The following PSD3 variants were observed in gnomAD, a reference collection of about 807,000 sequenced individuals.
PSD3 encodes the protein pleckstrin and Sec7 domain containing 3.
Under a neutral mutation model 105.5 loss-of-function variants are expected in PSD3, and 49 were observed. That is an observed-to-expected ratio of 0.46 (90% CI 0.37 to 0.59). The LOEUF (loss-of-function observed/expected upper bound fraction) is 0.59. Among genes scored for constraint, PSD3 ranks in the 20% least tolerant of loss-of-function variants. The pLI, the probability that PSD3 is intolerant of heterozygous loss-of-function variation, is 0.00. For missense variants in PSD3, 1,561 were observed against 1,263.8 expected (o/e 1.24, Z -3.57); for synonymous variants, 557 against 457.8 (o/e 1.22, Z -2.77).
At chr8:18,953,320 G>A (rs1158966872) in intron 1 of PSD3, among the ~76,000 whole-genome samples, 2 of 151,634 alleles carry the variant, frequency 1.3e-5, no homozygotes, top group Non-Finnish European at 3.0e-5. Context: ...TGTATGTTGT[G>A]TGTGTGTGTG....
intron 10 of PSD3, among the ~76,000 whole-genome samples, chr8:18,636,494 C>T (rs1268647374): frequency 6.6e-6 from 1 of 152,050 alleles, no homozygotes; most frequent in African/African-American, 2.4e-5. Flanking sequence ...AAAGAAATTT[C>T]CTGTAGCCTA....
At chr8:18,734,637 A>G (rs764693767) in intron 9 of PSD3, among the ~76,000 whole-genome samples, 39 of 152,320 alleles carry the variant, frequency 2.6e-4, no homozygotes, top group Non-Finnish European at 4.7e-4. Context: ...TATGGAACTT[A>G]GCAAGTCATG....
At position 19,080,169 on chromosome 8, in the gene PSD3, G is replaced by C. The variant is rs150167479; in HGVS notation, c.324+4037C>G. Among the ~76,000 whole-genome samples, 643 of 152,288 alleles carry C rather than the reference G, an allele frequency of 4.2e-3. 5 individuals are homozygous for C. Among genetic ancestry groups the C allele is most frequent in the African/African-American group, 0.014 (589 of 41,558 alleles). On this transcript the variant is annotated intron_variant, in intron 1 of 1. Coordinates refer to the PSD3 transcript ENST00000521475. ...CTCCCAAAGTGCTGGGATTACAGGC[G>C]TAAGCCACCGCGCCTGGCCAAAATA... is the stretch of plus-strand genomic sequence containing the variant.
intron 10 of PSD3, among the ~76,000 whole-genome samples, chr8:18,638,987 A>C (rs1563409290): frequency 6.6e-6 from 1 of 152,226 alleles, no homozygotes; most frequent in Non-Finnish European, 1.5e-5. Flanking sequence ...CATGGCATTG[A>C]CCACTGCCCT....
intron 9 of PSD3, among the ~76,000 whole-genome samples, chr8:18,685,486 G>A (rs755360215): frequency 2.0e-5 from 3 of 151,680 alleles, no homozygotes; most frequent in Admixed American, 6.6e-5. Flanking sequence ...TAAAGAAGAC[G>A]AAGACATTAA....
intron 14 of PSD3, among the ~76,000 whole-genome samples, chr8:18,567,906 T>A (rs1210665450): frequency 6.6e-6 from 1 of 152,226 alleles, no homozygotes; most frequent in Non-Finnish European, 1.5e-5. Context: ...GTGTTTGCGT[T>A]ATGGGGGTAG....
At chr8:18,616,290 T>C (rs764820132) in intron 11 of PSD3, among the ~76,000 whole-genome samples, 2 of 152,222 alleles carry the variant, frequency 1.3e-5, no homozygotes, top group Admixed American at 6.5e-5. Flanking sequence ...AAAACCAAAA[T>C]ACCCGACCCT....
Position 18,990,395 on chromosome 8 carries a change from G to A in PSD3, c.21+23168C>T, listed in dbSNP as rs547440601. ...GGCTCCGCCGCCTGGCCTTCTCTCA[G>A]TTCTTCATATGCGACGCTCTTTTCT... On this transcript the variant is annotated intron_variant, in intron 1 of 15. Transcript: ENST00000327040. Among the ~76,000 whole-genome samples, 3 of 152,150 alleles carry A rather than the reference G, an allele frequency of 2.0e-5. No homozygotes were observed. In the East Asian group the frequency reaches 5.8e-4, roughly 30 times the overall value.
chr8:18,752,492 A>AAT (rs1554489379), intron 9 of PSD3, among the ~76,000 whole-genome samples: 1 of 17,802 alleles, frequency 5.6e-5, no homozygotes, highest in Non-Finnish European at 1.5e-4. Flanking sequence ...TTATATATAT[A>AAT]ATATATATAA....
chr8:18,777,627 T>A (rs1168849002), intron 8 of PSD3, among the ~76,000 whole-genome samples: 1 of 152,234 alleles, frequency 6.6e-6, no homozygotes, highest in East Asian at 1.9e-4. Context: ...TCAGGATATT[T>A]TGGATACCCA....
At chr8:18,631,517 A>G (rs1212976246) in intron 11 of PSD3, among the ~76,000 whole-genome samples, 1 of 152,028 alleles carries the variant, frequency 6.6e-6, no homozygotes, top group Non-Finnish European at 1.5e-5. Context: ...AATAATGCTG[A>G]CACAAAAAAT....
chr8:18,872,424 G>A lies in PSD3; in HGVS notation c.440C>T (p.Ser147Phe). Residue 147 changes from serine (S) to phenylalanine (F), a missense_variant, in exon 3 of 16, where the codon TCC (serine) becomes TTC (phenylalanine). Coordinates refer to ENST00000327040, the MANE Select transcript of PSD3 (RefSeq NM_015310.4). ...TACCTTTGTAGCCTGTAATGTTCCG[G>A]AAATGATTCTGGCTTCTGTGGCTTT... ...ALKATEARII[S>F]GTLQATKVLD... 1.2e-6 allele frequency: 2 copies of A among 1,614,152 alleles called. No homozygotes were observed. Among genetic ancestry groups the A allele is most frequent in the Non-Finnish European group, 1.7e-6 (2 of 1,180,036 alleles).
intron 7 of PSD3, among the ~76,000 whole-genome samples, chr8:18,800,050 T>C (rs1294105198): frequency 2.6e-5 from 4 of 152,210 alleles, no homozygotes; most frequent in Non-Finnish European, 5.9e-5. Context: ...GCTAAAAGTA[T>C]ATTTATTCTA....
At chr8:19,083,074 G>A (rs1357638702) in intron 1 of PSD3, among the ~76,000 whole-genome samples, 1 of 152,068 alleles carries the variant, frequency 6.6e-6, no homozygotes, top group African/African-American at 2.4e-5. Context: ...CAGATGCTGT[G>A]AATTTCATTC....
intron 9 of PSD3, among the ~76,000 whole-genome samples, chr8:18,707,075 C>T (rs147978227): frequency 2.2e-4 from 34 of 152,276 alleles, no homozygotes; most frequent in African/African-American, 7.0e-4. Flanking sequence ...GTTCCTATTA[C>T]GCTTATTCCC....
At chr8:18,860,294 G>C (rs79962046) in intron 4 of PSD3, among the ~76,000 whole-genome samples, 6,292 of 151,962 alleles carry the variant, frequency 0.041, 438 homozygotes, top group African/African-American at 0.14. Context: ...TCAAAGATCT[G>C]GGACCACAGG....
At chr8:18,654,451 C>G (rs531985307) in intron 10 of PSD3, among the ~76,000 whole-genome samples, 5 of 152,234 alleles carry the variant, frequency 3.3e-5, no homozygotes, top group African/African-American at 9.6e-5. Context: ...CCACGAAGTT[C>G]TAATTACAAA....
chr8:18,651,359 T>C (rs1452971486), intron 10 of PSD3, among the ~76,000 whole-genome samples: 1 of 152,236 alleles, frequency 6.6e-6, no homozygotes, highest in Non-Finnish European at 1.5e-5. Context: ...GGTTCTAACA[T>C]CCACATCAAG....
At chr8:18,643,737 C>A (rs1290901915) in intron 10 of PSD3, among the ~76,000 whole-genome samples, 1 of 152,250 alleles carries the variant, frequency 6.6e-6, no homozygotes, top group East Asian at 1.9e-4. Context: ...AGGCCTCAGG[C>A]AGCCCCAATC....
Sources: gnomAD v4.1 joint callset for allele counts (sites outside exome capture counted in the v4.1 genomes callset) on GRCh38, gnomAD v4.1.1 for gene constraint, MANE v1.5 for transcripts, NCBI Gene and HGNC (gene_info 2026-07-23, HGNC 2026-07-21) for gene names.